SAMMSON: variants seen among roughly 807,000 people sequenced by gnomAD.
SAMMSON encodes long intergenic non-protein coding RNA 1212.
At chr3:70,258,376 T>C (rs549054869) in intron 6 of SAMMSON, among the ~76,000 whole-genome samples, 1 of 152,136 alleles carries the variant, frequency 6.6e-6, no homozygotes, top group East Asian at 1.9e-4. Context: ...ATATTTACAG[T>C]TCATTTATTG....
At chr3:70,153,227 A>G (rs1213378117) in intron 4 of SAMMSON, among the ~76,000 whole-genome samples, 2 of 151,992 alleles carry the variant, frequency 1.3e-5, no homozygotes, top group African/African-American at 4.8e-5. Flanking sequence ...AGTTTTTTAA[A>G]TGACTTTACA....
At chr3:70,065,579 A>G (rs551140214) in intron 3 of SAMMSON, among the ~76,000 whole-genome samples, 1 of 152,214 alleles carries the variant, frequency 6.6e-6, no homozygotes, top group East Asian at 1.9e-4. Context: ...TGCCTCTTTC[A>G]GAAGTATCCA....
chr3:70,020,846 A>G (rs1325029479), intron 3 of SAMMSON, among the ~76,000 whole-genome samples: 1 of 152,200 alleles, frequency 6.6e-6, no homozygotes, highest in Admixed American at 6.6e-5. Context: ...GGAAACATGC[A>G]TCCTTATATA....
chr3:70,019,774 C>G (rs1278567400), intron 3 of SAMMSON, among the ~76,000 whole-genome samples: 2 of 152,072 alleles, frequency 1.3e-5, no homozygotes, highest in African/African-American at 4.8e-5. Flanking sequence ...TAGGGCTGAC[C>G]TGGTGGTGAC....
At chr3:70,288,707 G>A (rs1478010455) in intron 6 of SAMMSON, among the ~76,000 whole-genome samples, 1 of 151,800 alleles carries the variant, frequency 6.6e-6, no homozygotes, top group Non-Finnish European at 1.5e-5. Context: ...TCTCTTTGTA[G>A]GTCACTCAGG....
chr3:70,190,990 A>G lies in SAMMSON; in HGVS notation n.508-58117A>G, dbSNP rs78611276. Among the ~76,000 whole-genome samples, 826 of 152,350 alleles carry G rather than the reference A, an allele frequency of 5.4e-3. 5 individuals are homozygous for G. Among genetic ancestry groups the G allele is most frequent in the African/African-American group, 0.018 (760 of 41,586 alleles). ...CCCCTAGTATTGCCAACTACACAGC[A>G]GTAATTGGACACGTTAATGCAGCTT... On this transcript the variant is annotated intron_variant and non_coding_transcript_variant, in intron 4 of 9. Transcript: ENST00000642114.
At chr3:70,249,794 A>G (rs1420267718) in intron 6 of SAMMSON, 4 of 152,160 alleles carry the variant, frequency 2.6e-5, no homozygotes, top group African/African-American at 9.7e-5. Flanking sequence ...AGTTGCTAAG[A>G]TACGGTAGTT....
At chr3:70,383,355 A>G (rs917567655) in intron 9 of SAMMSON, among the ~76,000 whole-genome samples, 1 of 151,524 alleles carries the variant, frequency 6.6e-6, no homozygotes, top group African/African-American at 2.4e-5. Flanking sequence ...AATAAAAAAA[A>G]AAAACAACCT....
chr3:70,426,155 G>A (rs1221611031), intron 2 of SAMMSON, among the ~76,000 whole-genome samples: 2 of 152,170 alleles, frequency 1.3e-5, no homozygotes, highest in Non-Finnish European at 2.9e-5. Flanking sequence ...AAAATGACAT[G>A]ACAAATAATT....
chr3:70,352,277 C>G (rs1232683603), intron 7 of SAMMSON, among the ~76,000 whole-genome samples: 1 of 152,020 alleles, frequency 6.6e-6, no homozygotes, highest in Non-Finnish European at 1.5e-5. Context: ...AGAAATGACA[C>G]CTTACTTTAG....
chr3:70,425,508 T>G (rs1482232382), intron 2 of SAMMSON, among the ~76,000 whole-genome samples: 1 of 151,914 alleles, frequency 6.6e-6, no homozygotes, highest in Non-Finnish European at 1.5e-5. Flanking sequence ...GCCTCCCAGG[T>G]TCACACCATT....
At chr3:70,197,558 G>A (rs1393730846) in intron 4 of SAMMSON, among the ~76,000 whole-genome samples, 3 of 152,134 alleles carry the variant, frequency 2.0e-5, no homozygotes, top group Non-Finnish European at 4.4e-5. Context: ...CAAATACAAG[G>A]GGCTTAAGAA....
chr3:70,166,737 C>A (rs2067638929), intron 4 of SAMMSON, among the ~76,000 whole-genome samples: 1 of 151,924 alleles, frequency 6.6e-6, no homozygotes, highest in Admixed American at 6.6e-5. Context: ...TTGCCTGTGA[C>A]AATTTTCTTT....
intron 7 of SAMMSON, among the ~76,000 whole-genome samples, chr3:70,317,390 A>AT (rs1304894121): frequency 2.0e-5 from 3 of 151,950 alleles, no homozygotes; most frequent in African/African-American, 4.8e-5. Flanking sequence ...CCAATAAAGT[A>AT]TTTTTAATTA....
intron 4 of SAMMSON, among the ~76,000 whole-genome samples, chr3:70,103,059 T>A (rs73105941): frequency 0.13 from 19,506 of 152,032 alleles, 1,689 homozygotes; most frequent in South Asian, 0.33. Context: ...CAGGCCAAGG[T>A]TGGCACTTGA....
intron 3 of SAMMSON, among the ~76,000 whole-genome samples, chr3:70,050,128 G>A (rs2067140835): frequency 6.6e-6 from 1 of 152,082 alleles, no homozygotes; most frequent in African/African-American, 2.4e-5. Context: ...GCATGCTAGT[G>A]GCCAGAGAGA....
At chr3:70,174,945 T>C (rs1258388524) in intron 4 of SAMMSON, among the ~76,000 whole-genome samples, 2 of 152,096 alleles carry the variant, frequency 1.3e-5, no homozygotes, top group African/African-American at 4.8e-5. Flanking sequence ...CCTTCCCACA[T>C]ACATTTTAAT....
rs148252429 is a variant in SAMMSON at position 70,174,031 on chromosome 3, C to T, written n.508-75076C>T. Among the ~76,000 whole-genome samples the T allele has an allele frequency of 3.6e-3, 543 of 152,062 alleles. 2 individuals carry two copies. The highest frequency in any genetic ancestry group is 0.012 in the African/African-American group (507 of 41,538). On this transcript the variant is annotated intron_variant and non_coding_transcript_variant, in intron 4 of 9. Transcript: ENST00000642114. The stretch of plus-strand genomic sequence containing the variant: ...CCAGGAAAGTTGCTCAAGTTCTTAA[C>T]TCCTAAATTACATCCTCCCTTTGGA...
intron 3 of SAMMSON, among the ~76,000 whole-genome samples, chr3:70,061,500 T>C (rs1459320389): frequency 1.3e-5 from 2 of 152,230 alleles, no homozygotes; most frequent in East Asian, 1.9e-4. Flanking sequence ...TATCAGAGCA[T>C]CTGGCAATTC....
Sources: gnomAD v4.1 joint callset for allele counts (sites outside exome capture counted in the v4.1 genomes callset) on GRCh38, gnomAD v4.1.1 for gene constraint, MANE v1.5 for transcripts, NCBI Gene and HGNC (gene_info 2026-07-23, HGNC 2026-07-21) for gene names.